ANKDD1B: variants seen among roughly 807,000 people sequenced by gnomAD.
The protein encoded by ANKDD1B is ankyrin repeat and death domain-containing protein 1B.
A neutral mutation model predicts 59.7 loss-of-function variants in ANKDD1B; 57 were observed. That is an observed-to-expected ratio of 0.95 (90% CI 0.77 to 1.19). The LOEUF is 1.19. Ranked by LOEUF, ANKDD1B falls within the 50% of genes most tolerant of loss-of-function variation. The pLI, the probability that ANKDD1B is intolerant of heterozygous loss-of-function variation, is 0.00. For synonymous variants in ANKDD1B, 216 were observed against 239.5 expected, an observed-to-expected ratio of 0.90 and a Z score of 0.91; for missense variants, 602 against 641.9, an observed-to-expected ratio of 0.94 and a Z score of 0.67.
At chr5:75,670,776 C>T (rs1775455670) in intron 13 of ANKDD1B, among the ~76,000 whole-genome samples, 1 of 152,190 alleles carries the variant, frequency 6.6e-6, no homozygotes, top group Non-Finnish European at 1.5e-5. Flanking sequence ...CACTCTTGAA[C>T]TCCAAAGCTG....
At chr5:75,666,315 C>G (rs1383590087) in intron 11 of ANKDD1B, among the ~76,000 whole-genome samples, 3 of 152,196 alleles carry the variant, frequency 2.0e-5, no homozygotes, top group Non-Finnish European at 2.9e-5. Flanking sequence ...GTTTACTCTC[C>G]TTATGCTCAC....
intron 5 of ANKDD1B, among the ~76,000 whole-genome samples, chr5:75,631,611 C>CT (rs1479481154): frequency 6.6e-6 from 1 of 152,184 alleles, no homozygotes; most frequent in African/African-American, 2.4e-5. Context: ...CAATGTGGAT[C>CT]TTGTCACTTT....
intron 7 of ANKDD1B, among the ~76,000 whole-genome samples, chr5:75,648,724 C>G (rs1248437047): frequency 6.6e-6 from 1 of 152,152 alleles, no homozygotes; most frequent in East Asian, 1.9e-4. Context: ...ATCTGTCCAA[C>G]CCAGTGAAAA....
intron 9 of ANKDD1B, 62 bp downstream of exon 9, chr5:75,656,189 T>A (rs1217898142): frequency 1.3e-6 from 1 of 773,366 alleles, no homozygotes; most frequent in Admixed American, 2.9e-5. Flanking sequence ...AGTGTGTGTT[T>A]ATGGGGAGTT....
At position 75,635,820 on chromosome 5, in the gene ANKDD1B, G is replaced by A; in HGVS notation, c.736G>A (p.Gly246Ser). 1 of 1,533,622 alleles carries A rather than the reference G, an allele frequency of 6.5e-7. No individual in the cohort carries two copies. The highest frequency in any genetic ancestry group is 8.7e-7 in the Non-Finnish European group (1 of 1,145,148). The change falls in exon 7 of 14, where the codon GGT (glycine) becomes AGT (serine). Residue 246 changes from glycine (G) to serine (S), a missense_variant. Coordinates refer to ENST00000601380, the MANE Select transcript of ANKDD1B (RefSeq NM_001276713.2). ...TGCCTTGCACCTCGCTGCGAAGCATGGTCACAGTCCTGCAGTGCAGGTGCT... is the reference window on the plus strand; with the variant it reads ...TGCCTTGCACCTCGCTGCGAAGCATAGTCACAGTCCTGCAGTGCAGGTGCT... ...NTALHLAAKH[G>S]HSPAVQVLLA...
intron 11 of ANKDD1B, among the ~76,000 whole-genome samples, chr5:75,663,732 G>A (rs1029067632): frequency 1.3e-5 from 2 of 152,240 alleles, no homozygotes; most frequent in African/African-American, 4.8e-5. Flanking sequence ...AAGCGGCATT[G>A]ACCAGGCCAG....
chr5:75,624,196 G>A (rs1261704215), intron 3 of ANKDD1B, among the ~76,000 whole-genome samples: 1 of 152,178 alleles, frequency 6.6e-6, no homozygotes, highest in Admixed American at 6.5e-5. Flanking sequence ...AGACACTTGA[G>A]TTTGCAGATA....
chr5:75,628,870 A>G (rs571582702), intron 5 of ANKDD1B, among the ~76,000 whole-genome samples: 47 of 152,330 alleles, frequency 3.1e-4, no homozygotes, highest in African/African-American at 1.1e-3. Flanking sequence ...TTGAATCTAC[A>G]TGTAAATGTC....
chr5:75,653,377 C>G, intron 8 of ANKDD1B, 137 bp downstream of exon 8: 1 of 626,958 alleles, frequency 1.6e-6, no homozygotes. Context: ...GGCTGGCTGA[C>G]TTCTTTTGGA....
chr5:75,624,331 C>T (rs1773931178), intron 3 of ANKDD1B, among the ~76,000 whole-genome samples: 1 of 152,138 alleles, frequency 6.6e-6, no homozygotes, highest in African/African-American at 2.4e-5. Flanking sequence ...TAGTGTCTGC[C>T]CTATCCTGCT....
intron 13 of ANKDD1B, among the ~76,000 whole-genome samples, chr5:75,670,065 C>A (rs1233101417): frequency 6.6e-6 from 1 of 152,220 alleles, no homozygotes; most frequent in Non-Finnish European, 1.5e-5. Flanking sequence ...CCAATAGTTT[C>A]CAGCAGTAGT....
chr5:75,639,527 C>T (rs1292556751), intron 7 of ANKDD1B, among the ~76,000 whole-genome samples: 1 of 152,142 alleles, frequency 6.6e-6, no homozygotes, highest in African/African-American at 2.4e-5. Flanking sequence ...GATGGCTGTC[C>T]CAGGCACCCA....
Position 75,666,961 on chromosome 5 carries a change from A to G in ANKDD1B, c.1361A>G (p.Asp454Gly), listed in dbSNP as rs2112034621. ...RLARSWNFTDDQIRAIEEQWS... is the reference protein window; with the variant it reads ...RLARSWNFTDGQIRAIEEQWS... ...GCCCGTTCGTGGAACTTTACAGATG[A>G]CCAGATTAGAGCCATTGAGGAGCAG... Residue 454 changes from aspartate to glycine, a missense_variant, in exon 12 of 14, where the codon GAC becomes GGC. Asp to Gly is a moderately conservative substitution (Grantham distance 94, BLOSUM62 -1). Around this residue, in one of 3 missense-constraint regions of ANKDD1B, gnomAD observed 280 missense variants for 319.8 expected, o/e 0.88. Coordinates refer to ENST00000601380, the MANE Select transcript of ANKDD1B (RefSeq NM_001276713.2). 2 of 1,502,456 alleles carry G rather than the reference A, an allele frequency of 1.3e-6. No homozygotes were observed. The highest frequency in any genetic ancestry group is 4.9e-5 in the East Asian group (2 of 40,776). 93.1% of individuals were successfully genotyped at this position (1,502,456 alleles called of 1,614,324 possible).
At position 75,625,897 on chromosome 5, in the gene ANKDD1B, G is replaced by C; in HGVS notation, c.542G>C (p.Arg181Pro). The change falls in exon 5 of 14, where the codon CGC becomes CCC. Residue 181 changes from arginine to proline, a missense_variant. Transcript: ENST00000601380. ...TTTGCCACTCAGAGCAATCATGTGCGCATCGTGGAGTATCTTATTCAAGAT... is the reference window on the plus strand; with the variant it reads ...TTTGCCACTCAGAGCAATCATGTGCCCATCGTGGAGTATCTTATTCAAGAT... ...LHFATQSNHV[R>P]IVEYLIQDLH... 1 of 1,536,190 alleles carries C rather than the reference G, an allele frequency of 6.5e-7. No individual in the cohort carries two copies. The highest frequency in any genetic ancestry group is 1.4e-5 in the African/African-American group (1 of 73,150).
chr5:75,631,835 G>C (rs1053114084), intron 5 of ANKDD1B, among the ~76,000 whole-genome samples: 1 of 152,166 alleles, frequency 6.6e-6, no homozygotes, highest in Non-Finnish European at 1.5e-5. Context: ...GCTAGGCGCG[G>C]TGGCTCACAC....
At chr5:75,611,969 C>T (rs1310258437) in intron 1 of ANKDD1B, 142 bp downstream of exon 1, 4 of 596,026 alleles carry the variant, frequency 6.7e-6, no homozygotes, top group Non-Finnish European at 9.8e-6. Context: ...ACCCCGAGTC[C>T]CAGCCTGCAC....
chr5:75,630,424 T>C (rs111227286), intron 5 of ANKDD1B, among the ~76,000 whole-genome samples: 121 of 152,350 alleles, frequency 7.9e-4, no homozygotes, highest in African/African-American at 2.4e-3. Context: ...TCCTGGACGA[T>C]AACTGTTTTA....
rs1489478980 is a variant in ANKDD1B at position 75,647,987 on chromosome 5, T to C, written c.799-5155T>C. On this transcript the variant is annotated intron_variant, in intron 7 of 13. Transcript: ENST00000601380. ...TGAAATTGGAAACCATCATTCTCAG[T>C]AAACTATCACAAGAACAAAAAACCA... Among the ~76,000 whole-genome samples the C allele has an allele frequency of 5.1e-5, 6 of 117,446 alleles. No homozygotes were observed. The East Asian group carries it at 1.3e-3, about 26-fold the overall frequency. The allele number at this position is 117,446 out of a possible 152,430, so 77.0% of individuals were successfully genotyped here.
intron 7 of ANKDD1B, among the ~76,000 whole-genome samples, chr5:75,650,156 A>G (rs2067721071): frequency 6.6e-6 from 1 of 152,234 alleles, no homozygotes; most frequent in South Asian, 2.1e-4. Flanking sequence ...GAACCTGTGA[A>G]TATGTTATGT....
Sources: gnomAD v4.1 joint callset for allele counts (sites outside exome capture counted in the v4.1 genomes callset) on GRCh38, gnomAD v4.1.1 for gene constraint, gnomAD v4.1.1 regional missense constraint, MANE v1.5 for transcripts, NCBI Gene and HGNC (gene_info 2026-07-23, HGNC 2026-07-21) for gene names.